Variants in GPAM observed in about 807,000 individuals in gnomAD.
The protein encoded by GPAM is glycerol-3-phosphate acyltransferase, mitochondrial, also known as glycerol-3-phosphate acyltransferase 1, mitochondrial.
Under a neutral mutation model 105.0 loss-of-function variants are expected in GPAM, and 56 were observed. That is an observed-to-expected ratio of 0.53 (90% CI 0.43 to 0.67). The LOEUF (loss-of-function observed/expected upper bound fraction) is 0.67. Among genes scored for constraint, GPAM ranks in the 30% least tolerant of loss-of-function variants. The pLI is 0.00. For missense variants in GPAM, 855 were observed against 989.8 expected, an observed-to-expected ratio of 0.86 and a Z score of 1.83; for synonymous variants, 368 against 354.4, an observed-to-expected ratio of 1.04 and a Z score of -0.43.
chr10:112,220,035 T>C (rs1848003799), upstream of GPAM, among the ~76,000 whole-genome samples: 1 of 152,190 alleles, frequency 6.6e-6, no homozygotes, highest in Non-Finnish European at 1.5e-5. Flanking sequence ...GCAGATAACA[T>C]TGCTCTTGTA....
intron 1 of GPAM, among the ~76,000 whole-genome samples, chr10:112,189,211 C>G (rs974884721): frequency 1.2e-4 from 18 of 152,172 alleles, no homozygotes; most frequent in African/African-American, 4.3e-4. Context: ...ATTATTCTTA[C>G]TGGATTCATG....
chr10:112,164,631 T>C (rs1213624691), intron 12 of GPAM, 21 bp from the exon 13 acceptor site: 2 of 1,304,976 alleles, frequency 1.5e-6, no homozygotes, highest in Non-Finnish European at 2.2e-6. Flanking sequence ...AAACACAACA[T>C]GATCATTTAC....
chr10:112,222,530 G>A, the GPAM span, among the ~76,000 whole-genome samples: 1 of 152,118 alleles, frequency 6.6e-6, no homozygotes, highest in East Asian at 1.9e-4. Context: ...AAGGTGACCT[G>A]TGAGCCTGGG....
In GPAM at chr10:112,150,288, A is replaced by G. The variant is rs1453458698; in HGVS notation, c.*3262T>C. The G allele has an allele frequency of 1.0e-6, 1 of 985,220 alleles. No homozygotes were observed. Among genetic ancestry groups the G allele is most frequent in the Non-Finnish European group, 1.2e-6 (1 of 829,566 alleles). 61.0% of individuals were successfully genotyped at this position (985,220 alleles called of 1,614,324 possible). On this transcript the variant is annotated 3_prime_UTR_variant, in exon 22 of 22. Transcript: ENST00000348367. Reference sequence around the variant, plus strand: ...ATCTGTGGATAAAAATCTGCATTCAAACGTACAATACTTTCTTCTAGATCT... The same window carrying G: ...ATCTGTGGATAAAAATCTGCATTCAGACGTACAATACTTTCTTCTAGATCT...
intron 9 of GPAM, among the ~76,000 whole-genome samples, chr10:112,169,528 A>T (rs1847277339): frequency 6.6e-6 from 1 of 152,226 alleles, no homozygotes; most frequent in South Asian, 2.1e-4. Context: ...GCATAAAACG[A>T]TTCTTTTCCT....
At chr10:112,209,678 A>G (rs1370632242) in intron 1 of GPAM, among the ~76,000 whole-genome samples, 1 of 152,154 alleles carries the variant, frequency 6.6e-6, no homozygotes, top group Non-Finnish European at 1.5e-5. Flanking sequence ...CAATTTTCCC[A>G]GGCCCCTGTT....
intron 5 of GPAM, among the ~76,000 whole-genome samples, chr10:112,176,788 G>A (rs187761140): frequency 9.8e-5 from 15 of 152,350 alleles, no homozygotes; most frequent in Admixed American, 4.6e-4. Flanking sequence ...GTGACAGAGT[G>A]TGTGACTCTA....
chr10:112,196,120 C>T (rs1369478376), intron 1 of GPAM, among the ~76,000 whole-genome samples: 1 of 152,156 alleles, frequency 6.6e-6, no homozygotes, highest in Non-Finnish European at 1.5e-5. Flanking sequence ...GCCCAATACT[C>T]TTGAAAGAAG....
At chr10:112,193,425 G>T (rs998316711) in intron 1 of GPAM, among the ~76,000 whole-genome samples, 2 of 152,204 alleles carry the variant, frequency 1.3e-5, no homozygotes, top group African/African-American at 2.4e-5. Context: ...GAAGCCTGAG[G>T]AATAAGTTTG....
At chr10:112,216,052 A>G (rs1024139473), upstream of GPAM, among the ~76,000 whole-genome samples, 13 of 152,166 alleles carry the variant, frequency 8.5e-5, no homozygotes, top group African/African-American at 2.9e-4. Context: ...AGCTGTGTCC[A>G]TGTGACTTTA....
intron 19 of GPAM, chr10:112,156,466 T>G: frequency 3.6e-6 from 1 of 279,194 alleles, no homozygotes; most frequent in African/African-American, 2.2e-5. Flanking sequence ...ATTATCTCAC[T>G]CCTTCTGCAG....
chr10:112,155,308 G>A lies in GPAM; in HGVS notation c.2311+556C>T, dbSNP rs117901976. 1.0e-4 allele frequency: 17 copies of A among 165,604 alleles called. No individual in the cohort carries two copies. In the East Asian group the frequency reaches 1.2e-3, roughly 12 times the overall value. 10.3% of individuals were successfully genotyped at this position (165,604 alleles called of 1,614,324 possible). On this transcript the variant is annotated intron_variant, in intron 20 of 21. Transcript: ENST00000348367. ...CACACCTCCTAAAACAAAGAAGACG[G>A]AGCGCTGGCCAAGATGTGCAGCAAG...
the GPAM span, among the ~76,000 whole-genome samples, chr10:112,223,528 T>C: frequency 6.6e-6 from 1 of 152,234 alleles, no homozygotes; most frequent in African/African-American, 2.4e-5. Flanking sequence ...AGGGAACCTA[T>C]ACAGTGATAC....
intron 1 of GPAM, among the ~76,000 whole-genome samples, chr10:112,202,221 A>T (rs908649152): frequency 5.9e-5 from 9 of 152,270 alleles, no homozygotes; most frequent in Admixed American, 5.9e-4. Context: ...GTAGCATAAA[A>T]GCAGCCTTAG....
chr10:112,198,897 A>C (rs534408005), intron 1 of GPAM, among the ~76,000 whole-genome samples: 6 of 151,720 alleles, frequency 4.0e-5, no homozygotes, highest in African/African-American at 1.5e-4. Flanking sequence ...CCTAGAGGAC[A>C]TTATTTTTAT....
chr10:112,224,543 G>A, the GPAM span, among the ~76,000 whole-genome samples: 5 of 152,042 alleles, frequency 3.3e-5, no homozygotes, highest in Admixed American at 1.3e-4. Flanking sequence ...CCAAGCAAGT[G>A]TCTGTATTCA....
Position 112,163,738 on chromosome 10 carries a change from C to T in GPAM, c.1386G>A (p.Arg462=). ...SRNATDESLR[R]RLIANLAEHI... is the part of the protein sequence containing the mutation. ...GCTCAGCCAGATTTGCAATCAACCT[C>T]CTTCGTAGGGATTCATCTGTTGCAT... is the stretch of plus-strand genomic sequence containing the variant. Residue 462 remains arginine, a synonymous_variant, in exon 14 of 22, where the codon AGG becomes AGA. Transcript: ENST00000348367. The T allele has an allele frequency of 6.3e-7, 1 of 1,596,232 alleles. No homozygotes were observed. The highest frequency in any genetic ancestry group is 8.6e-7 in the Non-Finnish European group (1 of 1,163,744).
intron 1 of GPAM, among the ~76,000 whole-genome samples, chr10:112,207,401 C>T (rs1412729103): frequency 1.3e-5 from 2 of 152,192 alleles, no homozygotes; most frequent in Admixed American, 1.3e-4. Flanking sequence ...AGAAACACTG[C>T]TTGAAATCTT....
chr10:112,179,116 AT>A (rs1847460527), intron 4 of GPAM, among the ~76,000 whole-genome samples: 2 of 152,374 alleles, frequency 1.3e-5, no homozygotes, highest in Admixed American at 1.3e-4. Context: ...GATAGCAAAT[AT>A]TATACAGTTA....
Sources: allele counts gnomAD v4.1 joint callset (sites outside exome capture counted in the v4.1 genomes callset), GRCh38; gene constraint gnomAD v4.1.1; transcripts MANE v1.5; gene names NCBI Gene and HGNC (gene_info 2026-07-23, HGNC 2026-07-21).